The following OPCML variants were observed in gnomAD, a reference collection of about 807,000 sequenced individuals.
OPCML encodes the protein opioid-binding protein/cell adhesion molecule.
OPCML carries 13 observed loss-of-function variants against 37.8 expected under a neutral mutation model. That is an observed-to-expected ratio of 0.34 (90% CI 0.22 to 0.55). The LOEUF is 0.55. Ranked by LOEUF, OPCML falls within the 20% of genes least tolerant of loss-of-function variation. OPCML has a pLI of 0.91. For missense variants in OPCML, 341 were observed against 435.6 expected, an observed-to-expected ratio of 0.78 and a Z score of 1.93; for synonymous variants, 176 against 168.8, an observed-to-expected ratio of 1.04 and a Z score of -0.33.
At chr11:132,456,419 A>AT (rs1178328500) in intron 4 of OPCML, among the ~76,000 whole-genome samples, 3 of 152,314 alleles carry the variant, frequency 2.0e-5, no homozygotes, top group South Asian at 2.1e-4. Context: ...GTTTTAGTTA[A>AT]TTTTTTTAGA....
intron 1 of OPCML, among the ~76,000 whole-genome samples, chr11:133,090,217 G>A (rs751639900): frequency 6.6e-6 from 1 of 151,852 alleles, no homozygotes; most frequent in Non-Finnish European, 1.5e-5. Flanking sequence ...CCCTTACCTC[G>A]CCTGCCAACT....
At chr11:133,423,967 A>G (rs1388284479) in intron 1 of OPCML, among the ~76,000 whole-genome samples, 1 of 152,232 alleles carries the variant, frequency 6.6e-6, no homozygotes, top group Non-Finnish European at 1.5e-5. Flanking sequence ...AGCCAAGCAG[A>G]TGCCAACACC....
chr11:132,845,900 G>A (rs1406970527), intron 2 of OPCML, among the ~76,000 whole-genome samples: 1 of 152,122 alleles, frequency 6.6e-6, no homozygotes, highest in Non-Finnish European at 1.5e-5. Flanking sequence ...CCATCCTGAT[G>A]CCTGGCTGGG....
Position 132,489,624 on chromosome 11 carries a change from C to G in OPCML, c.505+39437G>C, listed in dbSNP as rs1294113334. Among the ~76,000 whole-genome samples the G allele has an allele frequency of 1.6e-4, 25 of 152,044 alleles. No individual in the cohort carries two copies. The East Asian group carries it at 4.8e-3, about 29-fold the overall frequency. ...CTAGGCAACTGTGAGTTTTCAGCTC[C>G]TTTAGGATCCTATGGGACCACCGTT... On this transcript the variant is annotated intron_variant, in intron 4 of 7. Coordinates refer to ENST00000524381, the MANE Select transcript of OPCML (RefSeq NM_001012393.5).
At chr11:133,236,336 A>G (rs1189851196) in intron 1 of OPCML, among the ~76,000 whole-genome samples, 1 of 152,174 alleles carries the variant, frequency 6.6e-6, no homozygotes, top group African/African-American at 2.4e-5. Context: ...TCATCATGCT[A>G]CGTAGAATCG....
chr11:133,179,195 C>A (rs1937704154), intron 1 of OPCML, among the ~76,000 whole-genome samples: 1 of 151,848 alleles, frequency 6.6e-6, no homozygotes, highest in African/African-American at 2.4e-5. Flanking sequence ...CTGAAAGATA[C>A]AAATGTGAGG....
intron 2 of OPCML, among the ~76,000 whole-genome samples, chr11:132,669,168 T>C (rs1942350229): frequency 1.3e-5 from 2 of 152,018 alleles, no homozygotes; most frequent in Non-Finnish European, 2.9e-5. Flanking sequence ...ACTAGTGTTG[T>C]CCTTTTCTTG....
chr11:132,681,934 G>A lies in OPCML; in HGVS notation c.147-24615C>T, dbSNP rs151020566. ...CGCGCCACTGCACCCCAGCCTGGGC[G>A]ACAGAGAGAGATTCCGTCTCAAAAA... On this transcript the variant is annotated intron_variant, in intron 2 of 7. Transcript: ENST00000524381. Among the ~76,000 whole-genome samples, 306 of 151,182 alleles carry A rather than the reference G, an allele frequency of 2.0e-3. 1 individual carries two copies. The highest frequency in any genetic ancestry group is 7.2e-3 in the African/African-American group (296 of 41,124).
At chr11:133,528,151 A>T (rs752240231) in intron 1 of OPCML, among the ~76,000 whole-genome samples, 3 of 152,240 alleles carry the variant, frequency 2.0e-5, no homozygotes, top group African/African-American at 7.2e-5. Context: ...TCTCTGATTA[A>T]TCTCAGGTTG....
intron 1 of OPCML, among the ~76,000 whole-genome samples, chr11:133,265,618 C>T (rs1374910452): frequency 1.3e-5 from 2 of 152,152 alleles, no homozygotes; most frequent in Admixed American, 6.5e-5. Context: ...TGAAACAAGA[C>T]GGAAGCCAGT....
At chr11:132,518,747 T>A (rs2096285705) in intron 4 of OPCML, among the ~76,000 whole-genome samples, 1 of 152,180 alleles carries the variant, frequency 6.6e-6, no homozygotes, top group Admixed American at 6.5e-5. Context: ...CTTGATCACC[T>A]GATAAATAGC....
intron 2 of OPCML, among the ~76,000 whole-genome samples, chr11:132,668,949 T>C (rs1942339650): frequency 6.6e-6 from 1 of 152,196 alleles, no homozygotes; most frequent in Non-Finnish European, 1.5e-5. Flanking sequence ...TTCTCAGCTA[T>C]AGCCACTGAG....
At chr11:133,479,469 A>C (rs1947327551) in intron 1 of OPCML, among the ~76,000 whole-genome samples, 1 of 152,216 alleles carries the variant, frequency 6.6e-6, no homozygotes, top group South Asian at 2.1e-4. Context: ...GCAACCTGGA[A>C]GCTCCATAGC....
At position 132,943,335 on chromosome 11, in the gene OPCML, C is replaced by T. The variant is rs1591833777; in HGVS notation, c.62-325G>A. ...CCCTCCTGCATCCAAAAAGAGCTTT[C>T]TTGACGCTCCCCTGGGGAGGAGGGA... On this transcript the variant is annotated intron_variant, in intron 1 of 7. Transcript: ENST00000524381. The surrounding 1 kb of genome is among the most constrained non-coding windows in gnomAD (Gnocchi z 4.3). The T allele has an allele frequency of 7.2e-5, 42 of 585,200 alleles. No individual in the cohort carries two copies. The East Asian group carries it at 1.2e-3, about 17-fold the overall frequency. 36.3% of individuals were successfully genotyped at this position (585,200 alleles called of 1,614,324 possible).
chr11:132,561,818 A>G (rs1270213150), intron 3 of OPCML, among the ~76,000 whole-genome samples: 1 of 152,198 alleles, frequency 6.6e-6, no homozygotes, highest in Non-Finnish European at 1.5e-5. Flanking sequence ...AACCAAATAC[A>G]TGTGTTGACA....
chr11:133,098,357 AG>A (rs1565446148), intron 1 of OPCML, among the ~76,000 whole-genome samples: 2 of 151,760 alleles, frequency 1.3e-5, no homozygotes, highest in Admixed American at 1.3e-4. Context: ...CTGGGACTAC[AG>A]GCGCCCGCCA....
At chr11:132,872,885 A>C (rs113315906) in intron 2 of OPCML, among the ~76,000 whole-genome samples, 74 of 152,058 alleles carry the variant, frequency 4.9e-4, no homozygotes, top group African/African-American at 1.4e-3. Flanking sequence ...TTACAATGTA[A>C]AATGAATACT....
At chr11:133,499,517 TTCCTTGGTC>T in intron 1 of OPCML, among the ~76,000 whole-genome samples, 1 of 152,062 alleles carries the variant, frequency 6.6e-6, no homozygotes, top group East Asian at 1.9e-4. Flanking sequence ...CTTCTGACCT[TTCCTTGGTC>T]CCAAGGGAAG....
At chr11:133,268,366 A>T (rs1941721826) in intron 1 of OPCML, among the ~76,000 whole-genome samples, 2 of 152,220 alleles carry the variant, frequency 1.3e-5, no homozygotes, top group South Asian at 4.1e-4. Flanking sequence ...TAACTGCAAG[A>T]GGATATTAGG....
Sources: gnomAD v4.1 joint callset for allele counts (sites outside exome capture counted in the v4.1 genomes callset) on GRCh38, gnomAD v4.1.1 for gene constraint, Gnocchi (gnomAD v3.1) non-coding constraint, MANE v1.5 for transcripts, NCBI Gene and HGNC (gene_info 2026-07-23, HGNC 2026-07-21) for gene names.